The following TLK1 variants were observed in gnomAD, a reference collection of about 807,000 sequenced individuals.
TLK1 encodes tousled like kinase 1, also known as serine/threonine-protein kinase tousled-like 1.
TLK1 carries 24 observed loss-of-function variants against 105.3 expected under a neutral mutation model. That is an observed-to-expected ratio of 0.23 (90% CI 0.17 to 0.32). The LOEUF (loss-of-function observed/expected upper bound fraction) is 0.32, where lower values mean the gene tolerates loss of function less well. Ranked by LOEUF, TLK1 falls within the 10% of genes least tolerant of loss-of-function variation. The probability of loss-of-function intolerance (pLI) is 1.00; values close to 1 mark genes in which losing one functional copy is unlikely to be tolerated. For synonymous variants in TLK1, 321 were observed against 310.4 expected (o/e 1.03, Z -0.36); for missense variants, 558 against 910.5 (o/e 0.61, Z 4.98).
intron 1 of TLK1, among the ~76,000 whole-genome samples, chr2:171,204,995 A>G (rs925531852): frequency 2.0e-5 from 3 of 152,154 alleles, no homozygotes; most frequent in Non-Finnish European, 2.9e-5. Flanking sequence ...ATAAAAAACA[A>G]AAGGAAATTA....
At chr2:171,028,587 T>C (rs545465830) in intron 11 of TLK1, among the ~76,000 whole-genome samples, 182 bp from the exon 12 acceptor site, 2 of 152,120 alleles carry the variant, frequency 1.3e-5, no homozygotes, top group Admixed American at 1.3e-4. Flanking sequence ...GATGAAACAG[T>C]TAACTAATTC....
intron 18 of TLK1, among the ~76,000 whole-genome samples, chr2:171,002,361 C>T (rs919595328): frequency 3.3e-4 from 50 of 152,092 alleles, no homozygotes; most frequent in African/African-American, 1.1e-3. Context: ...CGGGTTCATG[C>T]CATTCTCCTG....
chr2:171,178,149 T>A (rs553332021), intron 1 of TLK1, among the ~76,000 whole-genome samples: 54 of 152,324 alleles, frequency 3.5e-4, no homozygotes, highest in African/African-American at 1.2e-3. Flanking sequence ...AGTGTTTAAA[T>A]GCATTATCTA....
In TLK1 at chr2:171,058,134, A is replaced by G. The variant is rs764280348; in HGVS notation, c.453+17T>C. Reference sequence around the variant, plus strand: ...AGTACTGAATTAGGAAATGGAGACAATCCTCAATGAACTTACTTCAAAATA... The same window carrying G: ...AGTACTGAATTAGGAAATGGAGACAGTCCTCAATGAACTTACTTCAAAATA... On this transcript the variant is annotated intron_variant, in intron 5 of 20. Coordinates refer to ENST00000431350, the MANE Select transcript of TLK1 (RefSeq NM_012290.5). The G allele has an allele frequency of 1.2e-6, 2 of 1,613,056 alleles. No homozygotes were observed. Among genetic ancestry groups the G allele is most frequent in the Admixed American group, 1.7e-5 (1 of 60,006 alleles).
chr2:171,054,104 G>T (rs111964374), intron 7 of TLK1: 3 of 297,054 alleles, frequency 1.0e-5, no homozygotes, highest in South Asian at 5.9e-5. Flanking sequence ...CAATATATCC[G>T]CTGCTTTGTG....
At chr2:171,055,222 C>T in intron 6 of TLK1, 50 bp from the exon 7 acceptor site, 1 of 494,478 alleles carries the variant, frequency 2.0e-6, no homozygotes, top group South Asian at 4.1e-5. Context: ...AAAAAAAAAA[C>T]ACAAAACAAA....
At chr2:171,078,934 A>G (rs144230607) in intron 3 of TLK1, among the ~76,000 whole-genome samples, 8 of 152,254 alleles carry the variant, frequency 5.3e-5, no homozygotes, top group Admixed American at 3.3e-4. Context: ...CCCTGTTTCA[A>G]TGGCTCTCTA....
chr2:171,216,461 G>A (rs1025208605), intron 1 of TLK1, among the ~76,000 whole-genome samples: 4 of 152,176 alleles, frequency 2.6e-5, no homozygotes, highest in African/African-American at 7.2e-5. Flanking sequence ...GGGCGACAGA[G>A]CAAGACTCCG....
chr2:171,053,199 T>A (rs1350682102), intron 8 of TLK1, among the ~76,000 whole-genome samples: 1 of 152,218 alleles, frequency 6.6e-6, no homozygotes, highest in African/African-American at 2.4e-5. Flanking sequence ...GAAATGGCTA[T>A]TTGTGTTATG....
chr2:171,175,321 A>T (rs1180126650), intron 1 of TLK1, among the ~76,000 whole-genome samples: 1 of 152,204 alleles, frequency 6.6e-6, no homozygotes, highest in Non-Finnish European at 1.5e-5. Context: ...AAAAAAAAGA[A>T]ATAGTAGTGG....
chr2:171,002,750 C>G (rs1035769363), intron 18 of TLK1, among the ~76,000 whole-genome samples: 2 of 152,098 alleles, frequency 1.3e-5, no homozygotes, highest in Non-Finnish European at 2.9e-5. Flanking sequence ...ATCCTCTTGT[C>G]TCAGCCTCCT....
upstream of TLK1, among the ~76,000 whole-genome samples, chr2:171,163,265 C>T (rs141855812): frequency 2.0e-5 from 3 of 152,256 alleles, no homozygotes; most frequent in South Asian, 2.1e-4. Context: ...TTGGCTGTTA[C>T]GAATAATGCT....
rs570233257 is a variant in TLK1, at chr2:171,020,294, C to T, written c.1237-5346G>A. Among the ~76,000 whole-genome samples, 217 of 151,942 alleles carry T rather than the reference C, an allele frequency of 1.4e-3. 1 individual carries two copies. The highest frequency in any genetic ancestry group is 5.0e-3 in the African/African-American group (209 of 41,450). ...CGGTGGCTCATGCCTATAATCCCAG[C>T]ACTTCAGGAGGCTGAGGTGGGTGGA... On this transcript the variant is annotated intron_variant, in intron 12 of 20. Transcript: ENST00000431350.
chr2:171,077,570 C>T (rs1198752182), intron 3 of TLK1, among the ~76,000 whole-genome samples: 1 of 152,234 alleles, frequency 6.6e-6, no homozygotes, highest in Non-Finnish European at 1.5e-5. Flanking sequence ...AAAATTAAGT[C>T]TAAGTGTCAA....
chr2:171,092,613 G>A (rs1016615310), intron 2 of TLK1, among the ~76,000 whole-genome samples: 1 of 152,172 alleles, frequency 6.6e-6, no homozygotes, highest in South Asian at 2.1e-4. Context: ...TGAAATGTGG[G>A]TTAAACCTGC....
intron 1 of TLK1, among the ~76,000 whole-genome samples, chr2:171,126,743 C>T (rs952795896): frequency 1.3e-5 from 2 of 151,746 alleles, no homozygotes; most frequent in African/African-American, 4.8e-5. Context: ...TATTTTAATT[C>T]ACTCGAGATT....
Position 171,227,568 on chromosome 2 carries a change from C to CTTTTTTTTT in TLK1, c.-6+3568_-6+3576dup, listed in dbSNP as rs71401413. Among the ~76,000 whole-genome samples, 258 of 55,510 alleles carry CTTTTTTTTT rather than the reference C, an allele frequency of 4.6e-3. 30 individuals carry two copies. Among genetic ancestry groups the CTTTTTTTTT allele is most frequent in the Non-Finnish European group, 5.1e-3 (155 of 30,292 alleles). 36.4% of individuals were successfully genotyped at this position (55,510 alleles called of 152,430 possible). A position where few individuals can be genotyped will look rare whatever the true frequency, so the allele number is the denominator to read the frequency against. On this transcript the variant is annotated intron_variant, in intron 1 of 20. Transcript: ENST00000521943. ...AGTTAGTCATGAGTTAGTAAATCTCCTTTTTTTTTTTTTTTTTTTTTTTTT... is the reference window on the plus strand; with the variant it reads ...AGTTAGTCATGAGTTAGTAAATCTCCTTTTTTTTTTTTTTTTTTTTTTTTTTTTTTTTTT...
chr2:171,194,578 G>A (rs1301484081), intron 1 of TLK1, among the ~76,000 whole-genome samples: 2 of 151,880 alleles, frequency 1.3e-5, no homozygotes, highest in Non-Finnish European at 2.9e-5. Flanking sequence ...AGCACTTTGG[G>A]AGGCCGAGGC....
chr2:170,994,100 C>A, intron 20 of TLK1, 144 bp from the exon 21 acceptor site: 1 of 894,532 alleles, frequency 1.1e-6, no homozygotes, highest in Non-Finnish European at 1.5e-6. Context: ...AAAAAAAATT[C>A]TGTAGCTAGA....
Sources: allele counts gnomAD v4.1 joint callset (sites outside exome capture counted in the v4.1 genomes callset), GRCh38; gene constraint gnomAD v4.1.1; transcripts MANE v1.5; gene names NCBI Gene and HGNC (gene_info 2026-07-23, HGNC 2026-07-21).